PRUNE2: variants seen among roughly 807,000 people sequenced by gnomAD.
PRUNE2 encodes prune homolog 2 with BCH domain, also known as protein prune homolog 2.
In PRUNE2, 164 loss-of-function variants were observed where a neutral mutation model predicts 252.0. The ratio of observed to expected loss-of-function variants is 0.65; its 90% CI spans 0.57 to 0.74. PRUNE2 has a LOEUF of 0.74. PRUNE2 is among the 30% of genes least tolerant of loss of function. PRUNE2 has a pLI of 0.00. For synonymous variants in PRUNE2, 1,292 were observed against 1,350.2 expected (o/e 0.96, Z 0.94); for missense variants, 3,495 against 3,711.0 (o/e 0.94, Z 1.51).
At chr9:76,772,128 G>C (rs2053181405) in intron 6 of PRUNE2, among the ~76,000 whole-genome samples, 1 of 152,116 alleles carries the variant, frequency 6.6e-6, no homozygotes, top group African/African-American at 2.4e-5. Context: ...TTCCGCCCTT[G>C]TAAGCTGAAG....
intron 9 of PRUNE2, among the ~76,000 whole-genome samples, chr9:76,677,900 G>C (rs912800329): frequency 4.6e-5 from 7 of 152,238 alleles, no homozygotes; most frequent in African/African-American, 1.7e-4. Context: ...CACACCCCAC[G>C]AGGATTTGCA....
chr9:76,707,610 A>T lies in PRUNE2; in HGVS notation c.4664T>A (p.Val1555Asp). 2 of 1,613,924 alleles carry T rather than the reference A, an allele frequency of 1.2e-6. No individual in the cohort carries two copies. Among genetic ancestry groups the T allele is most frequent in the Non-Finnish European group, 1.7e-6 (2 of 1,179,888 alleles). Residue 1555 changes from valine to aspartate, a missense_variant, in exon 8 of 19, where the codon GTT (valine) becomes GAT (aspartate). Coordinates refer to ENST00000376718, the MANE Select transcript of PRUNE2 (RefSeq NM_015225.3). ...ASSPELNDSS[V>D]ALSSWGQQPS... ...TTGCTGGCCCCAGGAGGACAGTGCA[A>T]CTGAAGAGTCATTTAACTCAGGACT...
rs375988250 is a variant in PRUNE2, at chr9:76,637,469, C to T, written c.8912G>A (p.Arg2971Lys). The change falls in exon 14 of 19, where the codon AGG becomes AAG. Residue 2971 changes from arginine to lysine, a missense_variant. By Grantham distance (26) the Arg-to-Lys change is conservative. Transcript: ENST00000376718. The stretch of plus-strand genomic sequence containing the variant: ...CTTCATCCAGCCTAGCCCTGGCATC[C>T]TCCTTCTTGGGGTTGCACCATTCAA... ...VYLNGATPRR[R>K]MPGLGWMKKC... 220 of 1,613,582 alleles carry T rather than the reference C, an allele frequency of 1.4e-4. No individual in the cohort carries two copies. Among genetic ancestry groups the T allele is most frequent in the Non-Finnish European group, 1.7e-4 (205 of 1,179,774 alleles).
At chr9:76,772,485 C>A (rs2053220936) in intron 6 of PRUNE2, among the ~76,000 whole-genome samples, 2 of 152,246 alleles carry the variant, frequency 1.3e-5, no homozygotes, top group South Asian at 4.1e-4. Context: ...TTAAAGGAAA[C>A]CAAAAATAAC....
At chr9:76,807,056 G>GCGCGCA (rs1589328658) in intron 6 of PRUNE2, among the ~76,000 whole-genome samples, 1 of 151,170 alleles carries the variant, frequency 6.6e-6, no homozygotes, top group East Asian at 2.0e-4. Context: ...GTGTGTGCGC[G>GCGCGCA]CGCGCGTGTG....
intron 18 of PRUNE2, among the ~76,000 whole-genome samples, chr9:76,616,191 GT>G (rs1369581103): frequency 6.6e-6 from 1 of 152,116 alleles, no homozygotes; most frequent in Admixed American, 6.5e-5. Context: ...CCTCTGACTT[GT>G]TTTCTTACCT....
At chr9:76,638,391 TG>T (rs1329844014) in intron 12 of PRUNE2, 103 bp from the exon 13 acceptor site, 4 of 749,780 alleles carry the variant, frequency 5.3e-6, no homozygotes, top group African/African-American at 1.7e-5. Context: ...TGTGTCTTTG[TG>T]GGTATATTAG....
chr9:76,768,797 G>A (rs2052751138), intron 6 of PRUNE2, among the ~76,000 whole-genome samples: 1 of 151,982 alleles, frequency 6.6e-6, no homozygotes, highest in African/African-American at 2.4e-5. Context: ...CAAATCACTG[G>A]ACATTTGCAT....
intron 9 of PRUNE2, among the ~76,000 whole-genome samples, chr9:76,666,578 G>A (rs897465393): frequency 2.0e-5 from 3 of 152,162 alleles, no homozygotes; most frequent in African/African-American, 7.2e-5. Flanking sequence ...AGGGCCCCCT[G>A]TCCAGTGGAC....
At chr9:76,721,862 A>G (rs1291080294) in intron 6 of PRUNE2, among the ~76,000 whole-genome samples, 1 of 152,266 alleles carries the variant, frequency 6.6e-6, no homozygotes, top group African/African-American at 2.4e-5. Context: ...ATTATGATTT[A>G]TGCAACCAAA....
At chr9:76,615,865 A>T (rs2553210) in intron 18 of PRUNE2, among the ~76,000 whole-genome samples, 3 of 149,230 alleles carry the variant, frequency 2.0e-5, no homozygotes, top group Non-Finnish European at 4.4e-5. Context: ...CGTCTCCTAG[A>T]TTCAAGCGAC....
intron 6 of PRUNE2, among the ~76,000 whole-genome samples, chr9:76,780,754 T>C (rs1385174069): frequency 6.6e-6 from 1 of 152,092 alleles, no homozygotes; most frequent in Non-Finnish European, 1.5e-5. Flanking sequence ...TTTGTTTTTG[T>C]TTTTGTTTTC....
intron 4 of PRUNE2, among the ~76,000 whole-genome samples, chr9:76,837,441 A>AAATTAATAAT (rs1554798655): frequency 1.5e-5 from 2 of 134,826 alleles, no homozygotes; most frequent in Non-Finnish European, 1.6e-5. Flanking sequence ...ACTCTGTCTC[A>AAATTAATAAT]AATAATAATA....
chr9:76,733,378 GATTC>G (rs34956717), intron 6 of PRUNE2, among the ~76,000 whole-genome samples: 97,933 of 148,822 alleles, frequency 0.66, 32,246 homozygotes, highest in South Asian at 0.74. Flanking sequence ...ATAAACCACA[GATTC>G]ATTCATTCAT....
At chr9:76,802,402 G>T (rs2056624146) in intron 6 of PRUNE2, among the ~76,000 whole-genome samples, 1 of 152,118 alleles carries the variant, frequency 6.6e-6, no homozygotes, top group Non-Finnish European at 1.5e-5. Context: ...TAGACATAAG[G>T]TAGTCTGGAA....
intron 6 of PRUNE2, chr9:76,737,043 G>C (rs1184621656): frequency 6.6e-6 from 1 of 152,120 alleles, no homozygotes; most frequent in Non-Finnish European, 1.5e-5. Flanking sequence ...CCCCATTTCT[G>C]TTCGCACACA....
chr9:76,773,436 ATC>A (rs2053336986), intron 6 of PRUNE2, among the ~76,000 whole-genome samples: 1 of 138,310 alleles, frequency 7.2e-6, no homozygotes, highest in African/African-American at 2.8e-5. Context: ...ACACTAGTAC[ATC>A]TTTTTTTTTT....
chr9:76,745,157 G>A (rs2049990669), intron 6 of PRUNE2, among the ~76,000 whole-genome samples: 1 of 152,168 alleles, frequency 6.6e-6, no homozygotes, highest in South Asian at 2.1e-4. Flanking sequence ...AACCTCCACT[G>A]CCTTTGGCCT....
chr9:76,678,446 A>C (rs1316889436), intron 9 of PRUNE2, among the ~76,000 whole-genome samples: 1 of 152,138 alleles, frequency 6.6e-6, no homozygotes. Context: ...AATGAAAAGA[A>C]GAAAAGATTT....
Sources: allele counts gnomAD v4.1 joint callset (sites outside exome capture counted in the v4.1 genomes callset), GRCh38; gene constraint gnomAD v4.1.1; transcripts MANE v1.5; gene names NCBI Gene and HGNC (gene_info 2026-07-23, HGNC 2026-07-21).